SLC37A2: variants seen among roughly 807,000 people sequenced by gnomAD.
The protein encoded by SLC37A2 is glucose-6-phosphate exchanger SLC37A2.
Under a neutral mutation model 70.7 loss-of-function variants are expected in SLC37A2, and 59 were observed. The observed-to-expected ratio is 0.83, with a 90% CI of 0.68 to 1.04. The LOEUF (loss-of-function observed/expected upper bound fraction) is 1.04, where lower values mean the gene tolerates loss of function less well. Among genes scored for constraint, SLC37A2 ranks in the 50% least tolerant of loss-of-function variants. The probability of loss-of-function intolerance (pLI) is 0.00; values close to 1 mark genes in which losing one functional copy is unlikely to be tolerated. For missense variants in SLC37A2, 580 were observed against 658.1 expected, an observed-to-expected ratio of 0.88 and a Z score of 1.30; for synonymous variants, 257 against 262.1, an observed-to-expected ratio of 0.98 and a Z score of 0.19.
chr11:125,085,825 AC>A (rs1479722563), intron 16 of SLC37A2, 128 bp from the exon 17 acceptor site: 5 of 1,232,336 alleles, frequency 4.1e-6, no homozygotes, highest in Middle Eastern at 3.8e-4. Flanking sequence ...CCCCCGAGTG[AC>A]CCCTTGCCAA....
chr11:125,075,201 G>A (rs975214198), intron 1 of SLC37A2, among the ~76,000 whole-genome samples: 1 of 152,218 alleles, frequency 6.6e-6, no homozygotes, highest in Non-Finnish European at 1.5e-5. Context: ...CTGTAGGACT[G>A]CAGGGTTCTT....
Position 125,077,475 on chromosome 11 carries a change from A to G in SLC37A2, c.261A>G (p.Leu87=), listed in dbSNP as rs1262412518. 31 of 1,613,686 alleles carry G rather than the reference A, an allele frequency of 1.9e-5. No homozygotes were observed. The Admixed American group carries it at 5.2e-4, about 27-fold the overall frequency. Residue 87 remains leucine, a synonymous_variant, in exon 4 of 18, where the codon CTA becomes CTG. Transcript: ENST00000403796. ...ACAAGGACAACTATAAGGAGTTACT[A>G]GGGGGCGTGGACAACGCCTTCCTCA... ...PFDKDNYKEL[L]GGVDNAFLIA...
rs376886813 is a variant in SLC37A2, at chr11:125,077,505, C to T, written c.291C>T (p.Ala97=). ...LGGVDNAFLI[A]YAIGMFISGV... The stretch of plus-strand genomic sequence containing the variant: ...GCGTGGACAACGCCTTCCTCATCGC[C>T]TATGCCATCGGCATGTTCATCAGGT... Residue 97 remains alanine (A), a synonymous_variant, in exon 4 of 18, where the codon GCC becomes GCT. Coordinates refer to ENST00000403796, the MANE Select transcript of SLC37A2 (RefSeq NM_001145290.2). The T allele has an allele frequency of 2.7e-5, 43 of 1,613,868 alleles. 2 individuals are homozygous for T. The African/African-American group carries it at 3.3e-4, about 13-fold the overall frequency.
chr11:125,082,001 A>G (rs998751332), intron 9 of SLC37A2, 95 bp downstream of exon 9: 24 of 1,418,230 alleles, frequency 1.7e-5, no homozygotes, highest in Non-Finnish European at 2.3e-5. Context: ...CTATTTTTCT[A>G]GAACTTCTTT....
At chr11:125,079,442 G>A (rs1476884165) in intron 5 of SLC37A2, among the ~76,000 whole-genome samples, 195 bp downstream of exon 5, 1 of 152,150 alleles carries the variant, frequency 6.6e-6, no homozygotes, top group Admixed American at 6.5e-5. Flanking sequence ...TGAGCACAAC[G>A]CTGTGGTCAC....
chr11:125,080,638 G>A lies in SLC37A2; in HGVS notation c.552G>A (p.Trp184Ter). The A allele has an allele frequency of 6.6e-7, 1 of 1,522,260 alleles. No individual in the cohort carries two copies. Among genetic ancestry groups the A allele is most frequent in the Non-Finnish European group, 8.8e-7 (1 of 1,132,138 alleles). The allele number at this position is 1,522,260 out of a possible 1,614,324, so 94.3% of individuals were successfully genotyped here. ...KGKRGFIMGI[W>*]NSHTSVGNIL... Reference sequence around the variant, plus strand: ...GGCGGGGGTTCATCATGGGCATCTGGAATTCCCACACATCTGTGGGCAACA... The same window carrying A: ...GGCGGGGGTTCATCATGGGCATCTGAAATTCCCACACATCTGTGGGCAACA... Residue 184 changes from tryptophan (W) to a stop codon, truncating the protein, a stop_gained, in exon 7 of 18, where the codon TGG becomes TGA. Transcript: ENST00000403796. LOFTEE classifies it high-confidence loss of function. The surrounding 1 kb of genome is among the most constrained non-coding windows in gnomAD (Gnocchi z 4.3).
At chr11:125,072,375 G>T (rs374213897) in intron 1 of SLC37A2, among the ~76,000 whole-genome samples, 12 of 152,296 alleles carry the variant, frequency 7.9e-5, no homozygotes, top group East Asian at 3.9e-4. Context: ...TCCGGTGGGG[G>T]GGAGGTGGGA....
At position 125,081,933 on chromosome 11, in the gene SLC37A2, G is replaced by A. The variant is rs201473404; in HGVS notation, c.885+27G>A. 2.5e-4 allele frequency: 394 copies of A among 1,575,764 alleles called. No individual in the cohort carries two copies. In the African/African-American group the frequency reaches 4.7e-3, roughly 19 times the overall value. Reference sequence around the variant, plus strand: ...TAAGAAGTTTGTGGAATGGAGGAAAGAGAGGGGCTTTCCAGATTTTTTCTG... The same window carrying A: ...TAAGAAGTTTGTGGAATGGAGGAAAAAGAGGGGCTTTCCAGATTTTTTCTG... On this transcript the variant is annotated intron_variant, in intron 9 of 17. Transcript: ENST00000403796.
intron 1 of SLC37A2, among the ~76,000 whole-genome samples, chr11:125,067,202 C>T (rs1359593520): frequency 6.6e-6 from 1 of 152,104 alleles, no homozygotes; most frequent in Non-Finnish European, 1.5e-5. Context: ...TGGTCTCAAA[C>T]TCCTGGCCTA....
chr11:125,076,817 G>A lies in SLC37A2; in HGVS notation c.120G>A (p.Arg40=), dbSNP rs766446225. ...TTTACGCCTGCTATCACATGTCCAG[G>A]AAGCCTATCAGTATCGTCAAGGTGA... is the stretch of plus-strand genomic sequence containing the variant. ...FLIYACYHMS[R]KPISIVKSRL... The change falls in exon 2 of 18, where the codon AGG becomes AGA. Residue 40 remains arginine, a synonymous_variant. Transcript: ENST00000403796. 5.6e-6 allele frequency: 9 copies of A among 1,614,168 alleles called. No individual in the cohort carries two copies. In the East Asian group the frequency reaches 2.0e-4, roughly 36 times the overall value.
intron 1 of SLC37A2, among the ~76,000 whole-genome samples, chr11:125,067,041 A>T (rs1313538328): frequency 1.3e-5 from 2 of 151,922 alleles, no homozygotes; most frequent in East Asian, 3.9e-4. Flanking sequence ...GTGCAGTGGC[A>T]CGATCATAGC....
chr11:125,088,018 G>C, intron 17 of SLC37A2, 101 bp from the exon 18 acceptor site: 2 of 1,313,920 alleles, frequency 1.5e-6, no homozygotes, highest in Non-Finnish European at 2.1e-6. Context: ...TGAAAGCAAT[G>C]ATGAAGGGAC....
intron 17 of SLC37A2, chr11:125,087,645 T>TTC (rs1370038592): frequency 1.2e-4 from 19 of 155,288 alleles, no homozygotes; most frequent in African/African-American, 3.6e-4. Context: ...TTTTTTTTTT[T>TTC]TTTTGAGGCG....
chr11:125,079,602 C>A, intron 5 of SLC37A2, 82 bp from the exon 6 acceptor site: 1 of 1,141,926 alleles, frequency 8.8e-7, no homozygotes, highest in Non-Finnish European at 1.3e-6. Flanking sequence ...GAAATTGAAC[C>A]TCCTCAGCCC....
chr11:125,069,672 T>C (rs922564406), intron 1 of SLC37A2, among the ~76,000 whole-genome samples: 1 of 152,250 alleles, frequency 6.6e-6, no homozygotes, highest in African/African-American at 2.4e-5. Context: ...GCCTGTCCCC[T>C]GTCTCTGAAG....
intron 13 of SLC37A2, 73 bp from the exon 14 acceptor site, chr11:125,084,993 G>A: frequency 6.3e-7 from 1 of 1,593,314 alleles, no homozygotes; most frequent in Non-Finnish European, 8.6e-7. Context: ...GAAGGCTGGA[G>A]AGTGCTCCTG....
intron 10 of SLC37A2, among the ~76,000 whole-genome samples, chr11:125,082,775 C>A (rs922594668): frequency 6.6e-6 from 1 of 152,122 alleles, no homozygotes; most frequent in Non-Finnish European, 1.5e-5. Context: ...CTGGTGGTGA[C>A]CCTGGTGGTC....
At chr11:125,086,735 A>G (rs57898623) in intron 17 of SLC37A2, 13 of 237,378 alleles carry the variant, frequency 5.5e-5, no homozygotes, top group African/African-American at 3.0e-4. Flanking sequence ...TGGCATCAGC[A>G]GGTCAGTGGC....
At chr11:125,077,853 T>C (rs925176342) in intron 4 of SLC37A2, among the ~76,000 whole-genome samples, 10 of 152,198 alleles carry the variant, frequency 6.6e-5, no homozygotes, top group Non-Finnish European at 1.3e-4. Context: ...ATCCCCATCC[T>C]CTGCTGTGTC....
Sources: allele counts gnomAD v4.1 joint callset (sites outside exome capture counted in the v4.1 genomes callset), GRCh38; gene constraint gnomAD v4.1.1; non-coding constraint Gnocchi (gnomAD v3.1); transcripts MANE v1.5; gene names NCBI Gene and HGNC (gene_info 2026-07-23, HGNC 2026-07-21).